TRHDE: variants seen among roughly 807,000 people sequenced by gnomAD.
TRHDE encodes thyrotropin-releasing hormone-degrading ectoenzyme.
TRHDE carries 72 observed loss-of-function variants against 125.7 expected under a neutral mutation model. The observed-to-expected ratio is 0.57, with a 90% CI of 0.47 to 0.70. The LOEUF is 0.70. Ranked by LOEUF, TRHDE falls within the 30% of genes least tolerant of loss-of-function variation. The pLI is 0.00. For synonymous variants in TRHDE, 509 were observed against 509.1 expected (o/e 1.00, Z 0.00); for missense variants, 1,110 against 1,327.1 (o/e 0.84, Z 2.54).
At chr12:72,117,076 G>A (rs1875461842) in intron 2 of TRHDE, among the ~76,000 whole-genome samples, 1 of 152,078 alleles carries the variant, frequency 6.6e-6, no homozygotes, top group African/African-American at 2.4e-5. Context: ...TTGCTGTGCA[G>A]AAGGTTTTTA....
intron 3 of TRHDE, among the ~76,000 whole-genome samples, chr12:72,403,376 C>CA (rs1873128863): frequency 6.6e-6 from 1 of 152,188 alleles, no homozygotes. Context: ...ATTATTTTGT[C>CA]ATCCTTTTTT....
intron 1 of TRHDE, among the ~76,000 whole-genome samples, chr12:72,285,043 A>C (rs1879830326): frequency 1.3e-5 from 2 of 152,236 alleles, no homozygotes; most frequent in South Asian, 4.1e-4. Context: ...AGTAACTATT[A>C]ATTTTTAAAA....
At chr12:72,616,686 G>A (rs1056894896) in intron 12 of TRHDE, among the ~76,000 whole-genome samples, 11 of 152,046 alleles carry the variant, frequency 7.2e-5, no homozygotes, top group Non-Finnish European at 1.6e-4. Flanking sequence ...TATGGGAAAC[G>A]AGATTCAAGC....
chr12:72,213,484 T>A (rs1017715047), intron 2 of TRHDE, among the ~76,000 whole-genome samples: 1 of 152,104 alleles, frequency 6.6e-6, no homozygotes, highest in Non-Finnish European at 1.5e-5. Flanking sequence ...TCAAACAAAT[T>A]TTAGACAGGG....
chr12:72,249,012 C>T (rs925833543), intron 2 of TRHDE, among the ~76,000 whole-genome samples: 149 of 152,098 alleles, frequency 9.8e-4, no homozygotes, highest in African/African-American at 3.5e-3. Context: ...GTGTTGAGCT[C>T]TGGTTTTTAT....
At chr12:72,300,631 A>G (rs776841134) in intron 2 of TRHDE, among the ~76,000 whole-genome samples, 5 of 151,738 alleles carry the variant, frequency 3.3e-5, no homozygotes, top group African/African-American at 4.8e-5. Flanking sequence ...GTGTGTATAT[A>G]TATGTTCTCA....
intron 6 of TRHDE, among the ~76,000 whole-genome samples, chr12:72,533,723 G>GT: frequency 0.026 from 2,572 of 97,804 alleles, 28 homozygotes; most frequent in Non-Finnish European, 0.038. Context: ...TTTTCTATTT[G>GT]TTTTTTTTTT....
chr12:72,585,105 T>C (rs60189083), intron 12 of TRHDE, among the ~76,000 whole-genome samples: 1,695 of 152,312 alleles, frequency 0.011, 32 homozygotes, highest in African/African-American at 0.038. Flanking sequence ...TTGGCAACCA[T>C]TTGCTTGAAA....
intron 6 of TRHDE, among the ~76,000 whole-genome samples, chr12:72,528,708 C>G (rs934915431): frequency 1.3e-5 from 2 of 151,836 alleles, no homozygotes; most frequent in African/African-American, 4.8e-5. Flanking sequence ...AGGCTGGTCT[C>G]GAACTCCTGA....
At chr12:72,404,361 G>A (rs147915929) in intron 3 of TRHDE, among the ~76,000 whole-genome samples, 1 of 152,310 alleles carries the variant, frequency 6.6e-6, no homozygotes, top group East Asian at 1.9e-4. Flanking sequence ...GACCTGGCAG[G>A]CAGATGTTGC....
At chr12:72,087,893 CAGG>C (rs988306520) in intron 1 of TRHDE, among the ~76,000 whole-genome samples, 1 of 151,980 alleles carries the variant, frequency 6.6e-6, no homozygotes. Context: ...TGTAGGAGAA[CAGG>C]AGGAGTAGGA....
chr12:72,520,172 G>T (rs1427680132), intron 6 of TRHDE, among the ~76,000 whole-genome samples: 4 of 152,226 alleles, frequency 2.6e-5, no homozygotes, highest in African/African-American at 4.8e-5. Context: ...GCTCCACCCA[G>T]TTCCAGCTTC....
chr12:72,388,462 T>C (rs1309381201), intron 3 of TRHDE, among the ~76,000 whole-genome samples: 1 of 152,232 alleles, frequency 6.6e-6, no homozygotes, highest in East Asian at 1.9e-4. Context: ...TCTACTGAGA[T>C]GTGTGCCTGG....
At chr12:72,563,962 A>ACAT (rs1171311461) in intron 9 of TRHDE, among the ~76,000 whole-genome samples, 1 of 152,124 alleles carries the variant, frequency 6.6e-6, no homozygotes, top group Non-Finnish European at 1.5e-5. Flanking sequence ...TCTGGAACAG[A>ACAT]CATTAAGTTT....
chr12:72,166,797 G>C (rs1316462140), intron 2 of TRHDE, among the ~76,000 whole-genome samples: 1 of 152,090 alleles, frequency 6.6e-6, no homozygotes, highest in Non-Finnish European at 1.5e-5. Flanking sequence ...CTTTGCTCAG[G>C]GGGGTTAATG....
At chr12:72,111,412 A>G (rs1193771074) in intron 2 of TRHDE, among the ~76,000 whole-genome samples, 4 of 152,154 alleles carry the variant, frequency 2.6e-5, no homozygotes, top group Non-Finnish European at 5.9e-5. Flanking sequence ...ACCTTCCCTC[A>G]GTAGTTTAGA....
intron 2 of TRHDE, among the ~76,000 whole-genome samples, chr12:72,175,932 T>C (rs1302275945): frequency 6.6e-6 from 1 of 152,136 alleles, no homozygotes; most frequent in Admixed American, 6.5e-5. Context: ...GTTTAGCATA[T>C]CAGTTGTTTT....
intron 2 of TRHDE, among the ~76,000 whole-genome samples, chr12:72,355,871 G>A: frequency 6.6e-6 from 1 of 151,816 alleles, no homozygotes; most frequent in Non-Finnish European, 1.5e-5. Flanking sequence ...ACACCAGCCA[G>A]AATAGCTATT....
intron 2 of TRHDE, among the ~76,000 whole-genome samples, chr12:72,109,476 A>G (rs1282136991): frequency 6.6e-6 from 1 of 152,120 alleles, no homozygotes; most frequent in Non-Finnish European, 1.5e-5. Context: ...ATAATAAGTA[A>G]GAAATTCTAG....
Sources: gnomAD v4.1 joint callset for allele counts (sites outside exome capture counted in the v4.1 genomes callset) on GRCh38, gnomAD v4.1.1 for gene constraint, MANE v1.5 for transcripts, NCBI Gene and HGNC (gene_info 2026-07-23, HGNC 2026-07-21) for gene names.